Variants in PDE10A observed in about 807,000 individuals in gnomAD.
PDE10A encodes the protein cAMP and cAMP-inhibited cGMP 3',5'-cyclic phosphodiesterase 10A.
In PDE10A, 39 loss-of-function variants were observed where a neutral mutation model predicts 97.7. The observed-to-expected ratio is 0.40, with a 90% CI of 0.31 to 0.52. The LOEUF (loss-of-function observed/expected upper bound fraction) is 0.52, where lower values mean the gene tolerates loss of function less well. PDE10A is among the 20% of genes least tolerant of loss of function. PDE10A has a pLI of 0.56. For synonymous variants in PDE10A, 371 were observed against 376.8 expected (o/e 0.98, Z 0.18); for missense variants, 731 against 1,047.8 (o/e 0.70, Z 4.17).
chr6:165,596,193 C>T (rs1786581299), intron 1 of PDE10A, among the ~76,000 whole-genome samples: 1 of 152,162 alleles, frequency 6.6e-6, no homozygotes, highest in Admixed American at 6.5e-5. Context: ...TCTCTCCCAC[C>T]TTATAGCTAA....
chr6:165,589,518 G>A (rs1373658431), intron 1 of PDE10A, among the ~76,000 whole-genome samples: 1 of 151,938 alleles, frequency 6.6e-6, no homozygotes, highest in Admixed American at 6.5e-5. Context: ...TTTAAACTTT[G>A]AAAATCAAGT....
chr6:165,790,642 C>T (rs1261067840), intron 1 of PDE10A, among the ~76,000 whole-genome samples: 1 of 151,948 alleles, frequency 6.6e-6, no homozygotes, highest in Non-Finnish European at 1.5e-5. Flanking sequence ...GGGGATGTTT[C>T]CTAATGGGCT....
At chr6:165,675,370 A>G (rs540438355) in intron 1 of PDE10A, among the ~76,000 whole-genome samples, 1 of 152,234 alleles carries the variant, frequency 6.6e-6, no homozygotes, top group Non-Finnish European at 1.5e-5. Context: ...GCATGAGTCT[A>G]TATACAAGAG....
At chr6:165,396,531 A>T in intron 13 of PDE10A, 72 bp from the exon 14 acceptor site, 1 of 1,444,732 alleles carries the variant, frequency 6.9e-7, no homozygotes, top group South Asian at 1.3e-5. Context: ...ACGGAAGTTC[A>T]GAATTTGGTA....
chr6:165,377,496 C>A (rs1784679518), intron 18 of PDE10A, among the ~76,000 whole-genome samples: 1 of 151,882 alleles, frequency 6.6e-6, no homozygotes, highest in Non-Finnish European at 1.5e-5. Context: ...AAACATGCAC[C>A]ACTACCACGT....
intron 1 of PDE10A, among the ~76,000 whole-genome samples, chr6:165,578,198 G>C (rs1785419138): frequency 6.6e-6 from 1 of 152,158 alleles, no homozygotes; most frequent in Non-Finnish European, 1.5e-5. Flanking sequence ...ATCTCTTTTA[G>C]TTCAACAGAC....
chr6:165,978,544 A>C (rs1429011447), intron 1 of PDE10A, among the ~76,000 whole-genome samples: 2 of 152,218 alleles, frequency 1.3e-5, no homozygotes, highest in African/African-American at 4.8e-5. Flanking sequence ...CTTTGTCCAA[A>C]ATATTTAACT....
At chr6:165,808,488 C>T (rs1385016756) in intron 1 of PDE10A, among the ~76,000 whole-genome samples, 1 of 152,218 alleles carries the variant, frequency 6.6e-6, no homozygotes, top group Admixed American at 6.5e-5. Context: ...AGGTCTTTTC[C>T]ATGTCCTAAG....
chr6:165,623,615 C>T (rs1197741561), intron 1 of PDE10A, among the ~76,000 whole-genome samples: 1 of 152,130 alleles, frequency 6.6e-6, no homozygotes, highest in Non-Finnish European at 1.5e-5. Context: ...TTTAAACTTA[C>T]TTCAGGAAAG....
intron 1 of PDE10A, among the ~76,000 whole-genome samples, chr6:165,559,023 T>C (rs1418616824): frequency 1.3e-5 from 2 of 152,182 alleles, no homozygotes; most frequent in Non-Finnish European, 2.9e-5. Context: ...AAATTCTCTT[T>C]AATACTGGCT....
chr6:165,661,114 G>C lies in PDE10A; in HGVS notation c.865+833C>G, dbSNP rs767818357. On this transcript the variant is annotated intron_variant, in intron 1 of 21. Coordinates refer to ENST00000539869, the MANE Select transcript of PDE10A (RefSeq NM_001385079.1). The surrounding 1 kb of genome is among the most constrained non-coding windows in gnomAD (Gnocchi z 4.8). ...CCCCACCCCCGTGACATGCCTTTCT[G>C]CCACCTCTGCCTCAGCGCGCTCTCG... is the stretch of plus-strand genomic sequence containing the variant. The C allele has an allele frequency of 6.6e-6, 1 of 152,656 alleles. No homozygotes were observed. Among genetic ancestry groups the C allele is most frequent in the Admixed American group, 6.5e-5 (1 of 15,284 alleles). 9.5% of individuals were successfully genotyped at this position (152,656 alleles called of 1,614,324 possible).
intron 1 of PDE10A, among the ~76,000 whole-genome samples, chr6:165,963,143 A>T (rs1784407488): frequency 6.6e-6 from 1 of 152,240 alleles, no homozygotes; most frequent in Non-Finnish European, 1.5e-5. Context: ...TTTTCAAGAC[A>T]TGAATCAAGA....
At chr6:165,419,663 C>T (rs1788558983) in intron 10 of PDE10A, among the ~76,000 whole-genome samples, 2 of 152,150 alleles carry the variant, frequency 1.3e-5, no homozygotes, top group African/African-American at 4.8e-5. Flanking sequence ...CTAACATATC[C>T]TACTGTCCTG....
intron 1 of PDE10A, among the ~76,000 whole-genome samples, chr6:165,842,072 C>G (rs1238046106): frequency 6.6e-6 from 1 of 152,174 alleles, no homozygotes; most frequent in African/African-American, 2.4e-5. Context: ...TGTACCTAAC[C>G]AGGCGAATTG....
chr6:165,576,582 A>G, intron 1 of PDE10A: 1 of 666,212 alleles, frequency 1.5e-6, no homozygotes, highest in Non-Finnish European at 2.7e-6. Flanking sequence ...CTAACAGATA[A>G]TTCTCAGCAT....
intron 1 of PDE10A, among the ~76,000 whole-genome samples, chr6:165,632,200 C>CAAAAAAAAAA (rs71552885): frequency 1.5e-5 from 1 of 67,282 alleles, no homozygotes; most frequent in African/African-American, 5.8e-5. Flanking sequence ...GAGTCCATCT[C>CAAAAAAAAAA]AAAAAAAAAA....
In PDE10A at chr6:165,426,156, C is replaced by T. The variant is rs993373666; in HGVS notation, c.1653+2502G>A. On this transcript the variant is annotated intron_variant, in intron 10 of 21. Coordinates refer to ENST00000539869, the MANE Select transcript of PDE10A (RefSeq NM_001385079.1). ...TCTACAGATTCAACATAATTCCTATCAGCATTCCACCTGATTTCTTTGTAG... is the reference window on the plus strand; with the variant it reads ...TCTACAGATTCAACATAATTCCTATTAGCATTCCACCTGATTTCTTTGTAG... 2.0e-5 allele frequency among the ~76,000 whole-genome samples: 3 copies of T among 152,128 alleles called. No homozygotes were observed. In the South Asian group the frequency reaches 6.2e-4, roughly 32 times the overall value.
At chr6:165,648,138 G>C (rs570773345) in intron 1 of PDE10A, among the ~76,000 whole-genome samples, 1 of 152,048 alleles carries the variant, frequency 6.6e-6, no homozygotes, top group South Asian at 2.1e-4. Context: ...TCAGCCTCCC[G>C]AGTAGCTGGG....
chr6:165,461,643 T>C (rs1395981791), intron 3 of PDE10A, among the ~76,000 whole-genome samples: 1 of 152,226 alleles, frequency 6.6e-6, no homozygotes, highest in South Asian at 2.1e-4. Context: ...CAGTTAGAAG[T>C]AGAATGCACC....
Sources: allele counts gnomAD v4.1 joint callset (sites outside exome capture counted in the v4.1 genomes callset), GRCh38; gene constraint gnomAD v4.1.1; non-coding constraint Gnocchi (gnomAD v3.1); transcripts MANE v1.5; gene names NCBI Gene and HGNC (gene_info 2026-07-23, HGNC 2026-07-21).